The following SOX5 variants were observed in gnomAD, a reference collection of about 807,000 sequenced individuals.
The protein encoded by SOX5 is SRY-box transcription factor 5.
SOX5 carries 9 observed loss-of-function variants against 92.0 expected under a neutral mutation model. The ratio of observed to expected loss-of-function variants is 0.10; its 90% CI spans 0.06 to 0.17. The LOEUF is 0.17. Among genes scored for constraint, SOX5 ranks in the 10% least tolerant of loss-of-function variants. The pLI is 1.00. For synonymous variants in SOX5, 344 were observed against 336.3 expected, an observed-to-expected ratio of 1.02 and a Z score of -0.25; for missense variants, 642 against 944.5, an observed-to-expected ratio of 0.68 and a Z score of 4.20.
At chr12:24,461,363 A>G (rs913189842) in intron 1 of SOX5, among the ~76,000 whole-genome samples, 3 of 152,180 alleles carry the variant, frequency 2.0e-5, no homozygotes, top group African/African-American at 4.8e-5. Context: ...ATACCAGTGG[A>G]TCTACACCTT....
At chr12:24,325,452 G>A (rs944049697) in intron 2 of SOX5, among the ~76,000 whole-genome samples, 1 of 152,104 alleles carries the variant, frequency 6.6e-6, no homozygotes, top group Non-Finnish European at 1.5e-5. Context: ...GGGAAGAACC[G>A]TTGAGAGAAG....
At chr12:24,249,644 T>C (rs1333323885) in intron 3 of SOX5, among the ~76,000 whole-genome samples, 1 of 152,034 alleles carries the variant, frequency 6.6e-6, no homozygotes, top group Non-Finnish European at 1.5e-5. Flanking sequence ...TGCCTCACAA[T>C]CACATGGCAT....
At chr12:24,226,886 A>G (rs2728843) in intron 3 of SOX5, among the ~76,000 whole-genome samples, 20 of 42,250 alleles carry the variant, frequency 4.7e-4, no homozygotes, top group African/African-American at 5.6e-4. Context: ...ATGAATGAAT[A>G]AATCTACTGG....
intron 3 of SOX5, among the ~76,000 whole-genome samples, chr12:24,260,195 A>G (rs1941881174): frequency 6.6e-6 from 1 of 152,200 alleles, no homozygotes; most frequent in African/African-American, 2.4e-5. Flanking sequence ...ACACTGGAGA[A>G]GAGCATGATG....
intron 4 of SOX5, among the ~76,000 whole-genome samples, chr12:24,203,783 A>G (rs1036452053): frequency 8.5e-5 from 13 of 152,352 alleles, no homozygotes; most frequent in African/African-American, 2.6e-4. Flanking sequence ...ATTTTAGAGT[A>G]TAAACGCCAA....
intron 1 of SOX5, among the ~76,000 whole-genome samples, chr12:24,438,431 T>C (rs1939876223): frequency 1.3e-5 from 2 of 151,310 alleles, no homozygotes; most frequent in Non-Finnish European, 2.9e-5. Context: ...AAAGTATAGT[T>C]AAAAAAAATA....
intron 2 of SOX5, among the ~76,000 whole-genome samples, chr12:23,863,710 C>T (rs1398756087): frequency 1.3e-5 from 2 of 151,754 alleles, no homozygotes; most frequent in Admixed American, 6.6e-5. Context: ...TTGGCTACAT[C>T]TTACATTTCA....
At chr12:23,859,246 TAGG>T (rs1054814541) in intron 2 of SOX5, among the ~76,000 whole-genome samples, 6 of 152,064 alleles carry the variant, frequency 3.9e-5, no homozygotes, top group African/African-American at 1.4e-4. Context: ...GACATATGAG[TAGG>T]AGAACTATCA....
At chr12:23,726,453 CTA>C (rs2093139978) in intron 6 of SOX5, among the ~76,000 whole-genome samples, 1 of 152,098 alleles carries the variant, frequency 6.6e-6, no homozygotes, top group Non-Finnish European at 1.5e-5. Context: ...GTACCCCCAG[CTA>C]TAGCATTTAT....
intron 1 of SOX5, among the ~76,000 whole-genome samples, chr12:24,372,031 C>T (rs1956793161): frequency 6.6e-6 from 1 of 151,828 alleles, no homozygotes; most frequent in African/African-American, 2.4e-5. Flanking sequence ...TTGGAAAACT[C>T]AACTGCCTAC....
chr12:24,187,781 A>G (rs1460068507), intron 4 of SOX5, among the ~76,000 whole-genome samples: 2 of 152,164 alleles, frequency 1.3e-5, no homozygotes, highest in Non-Finnish European at 2.9e-5. Context: ...GAGAAAAAAA[A>G]TCAACTGTGT....
At chr12:24,243,687 G>T (rs1459293351) in intron 3 of SOX5, among the ~76,000 whole-genome samples, 1 of 151,976 alleles carries the variant, frequency 6.6e-6, no homozygotes, top group Non-Finnish European at 1.5e-5. Context: ...AAGAAAAACA[G>T]GATTTTCATT....
chr12:24,499,821 G>T (rs1948022406), intron 1 of SOX5, among the ~76,000 whole-genome samples: 1 of 150,278 alleles, frequency 6.7e-6, no homozygotes, highest in Admixed American at 6.6e-5. Flanking sequence ...TATGAACTTA[G>T]TGCTGTTAAC....
chr12:23,586,715 G>A (rs1180126826), intron 9 of SOX5, among the ~76,000 whole-genome samples: 1 of 151,076 alleles, frequency 6.6e-6, no homozygotes, highest in East Asian at 1.9e-4. Flanking sequence ...GGAAGATTAA[G>A]TCTCAAAAAT....
chr12:24,021,084 G>C (rs932568541), intron 4 of SOX5, among the ~76,000 whole-genome samples: 3 of 152,094 alleles, frequency 2.0e-5, no homozygotes, highest in Non-Finnish European at 1.5e-5. Flanking sequence ...TCATTGGCAG[G>C]GCATTGGGAA....
chr12:24,249,371 G>A (rs1939567080), intron 3 of SOX5, among the ~76,000 whole-genome samples: 1 of 152,186 alleles, frequency 6.6e-6, no homozygotes, highest in African/African-American at 2.4e-5. Context: ...TATCTATCTA[G>A]AGAGGAATGG....
intron 4 of SOX5, among the ~76,000 whole-genome samples, chr12:24,194,763 C>A (rs370251067): frequency 3.2e-4 from 48 of 152,070 alleles, no homozygotes; most frequent in African/African-American, 1.1e-3. Context: ...GGCTGGAAAG[C>A]TTTTAGGAGT....
intron 6 of SOX5, among the ~76,000 whole-genome samples, chr12:23,681,322 A>G (rs757177186): frequency 2.4e-4 from 36 of 151,940 alleles, no homozygotes; most frequent in Non-Finnish European, 4.7e-4. Flanking sequence ...AAGAATGCTA[A>G]AAATTAATAC....
chr12:24,222,633 G>T (rs1311905867), intron 3 of SOX5, among the ~76,000 whole-genome samples: 2 of 152,146 alleles, frequency 1.3e-5, no homozygotes, highest in Admixed American at 1.3e-4. Context: ...CAAAATGAGG[G>T]AATGGGAACT....
Sources: gnomAD v4.1 joint callset for allele counts (sites outside exome capture counted in the v4.1 genomes callset) on GRCh38, gnomAD v4.1.1 for gene constraint, MANE v1.5 for transcripts, NCBI Gene and HGNC (gene_info 2026-07-23, HGNC 2026-07-21) for gene names.